The following CHD1L variants were observed in gnomAD, a reference collection of about 807,000 sequenced individuals.
CHD1L encodes ATP-dependent chromatin remodeler CHD1L.
Under a neutral mutation model 115.9 loss-of-function variants are expected in CHD1L, and 118 were observed. That is an observed-to-expected ratio of 1.02 (90% CI 0.88 to 1.19). CHD1L has a LOEUF of 1.19. Ranked by LOEUF, CHD1L falls within the 50% of genes most tolerant of loss-of-function variation. The pLI, the probability that CHD1L is intolerant of heterozygous loss-of-function variation, is 0.00. For synonymous variants in CHD1L, 411 were observed against 387.1 expected (o/e 1.06, Z -0.72); for missense variants, 1,179 against 1,065.3 (o/e 1.11, Z -1.49).
chr1:147,263,499 T>G (rs980355847), intron 6 of CHD1L, among the ~76,000 whole-genome samples: 6 of 152,174 alleles, frequency 3.9e-5, no homozygotes, highest in Non-Finnish European at 8.8e-5. Context: ...ATGTATTGTT[T>G]AATTCTACTA....
the CHD1L span, chr1:147,203,824 G>A: frequency 1.9e-6 from 3 of 1,555,122 alleles, no homozygotes; most frequent in Non-Finnish European, 2.7e-6. Flanking sequence ...TAGAAATGAT[G>A]CCATCTTCCT....
At position 147,255,075 on chromosome 1, in the gene CHD1L, TTAG is replaced by T. The variant is rs1669649753; in HGVS notation, c.347+102_347+104del. The T allele has an allele frequency of 4.8e-6, 4 of 842,008 alleles. No individual in the cohort carries two copies. The South Asian group carries it at 6.4e-5, about 14-fold the overall frequency. 52.2% of individuals were successfully genotyped at this position (842,008 alleles called of 1,614,324 possible). A position where few individuals can be genotyped will look rare whatever the true frequency, so the allele number is the denominator to read the frequency against. ...ATGATAAAACAACCTATTGTCGTAA[TTAG>T]TAAGTTTATTCCAGAAAACTTTGAG... On this transcript the variant is annotated intron_variant, in intron 3 of 22. Transcript: ENST00000369258.
In CHD1L at chr1:147,252,555, C is replaced by G. The variant is rs992340109; in HGVS notation, c.128-68C>G. 4 of 1,233,896 alleles carry G rather than the reference C, an allele frequency of 3.2e-6. No homozygotes were observed. In the African/African-American group the frequency reaches 5.9e-5, roughly 18 times the overall value. 76.4% of individuals were successfully genotyped at this position (1,233,896 alleles called of 1,614,324 possible). A position where few individuals can be genotyped will look rare whatever the true frequency, so the allele number is the denominator to read the frequency against. ...TTAGGCTGTGTTCCTCATTCAAACT[C>G]TTAGAACATTGCCTCTGCATGTACT... On this transcript the variant is annotated intron_variant, in intron 1 of 22. Coordinates refer to ENST00000369258, the MANE Select transcript of CHD1L (RefSeq NM_004284.6).
At chr1:147,190,862 T>A in the CHD1L span, among the ~76,000 whole-genome samples, 2,625 of 151,436 alleles carry the variant, frequency 0.017, 87 homozygotes, top group African/African-American at 0.061. Flanking sequence ...GTCCCTGGAG[T>A]GTGATGTTCC....
the CHD1L span, among the ~76,000 whole-genome samples, chr1:147,233,437 C>A: frequency 1.5e-5 from 2 of 130,172 alleles, no homozygotes; most frequent in Non-Finnish European, 3.2e-5. Context: ...GTCAGCCCCC[C>A]CGCCCGGCCA....
the CHD1L span, among the ~76,000 whole-genome samples, chr1:147,206,479 C>T: frequency 2.6e-5 from 4 of 152,162 alleles, no homozygotes; most frequent in Non-Finnish European, 5.9e-5. Flanking sequence ...TTTATTGCGG[C>T]ACTATTCACA....
chr1:147,280,139 C>G lies in CHD1L; in HGVS notation c.1653C>G (p.Val551=). The G allele has an allele frequency of 6.2e-7, 1 of 1,613,048 alleles. No individual in the cohort carries two copies. Among genetic ancestry groups the G allele is most frequent in the East Asian group, 2.2e-5 (1 of 44,874 alleles). The change falls in exon 15 of 23, where the codon GTC becomes GTG. Residue 551 remains valine, a synonymous_variant. Transcript: ENST00000369258. ...ILGETKDGQW[V]SDALPAAEGG... ...GAGAAACAAAAGATGGCCAGTGGGT[C>G]TCTGATGCCTTGCCTGCAGCAGAAG...
Position 147,294,394 on chromosome 1 carries a change from T to C in CHD1L, c.2507-15T>C, listed in dbSNP as rs1686785295. The C allele has an allele frequency of 1.3e-6, 2 of 1,588,104 alleles. No homozygotes were observed. The highest frequency in any genetic ancestry group is 2.3e-5 in the South Asian group (2 of 88,602). On this transcript the variant is annotated splice_polypyrimidine_tract_variant and intron_variant, in intron 21 of 22. Transcript: ENST00000369258. ...TTTTGATGAGTGAAGACATGTGTTC[T>C]TCTCTTCATAATAGCAAGTGTTCAT...
At chr1:147,291,700 A>C in intron 20 of CHD1L, 148 bp downstream of exon 20, 1 of 655,076 alleles carries the variant, frequency 1.5e-6, no homozygotes, top group Non-Finnish European at 2.7e-6. Context: ...TAGCTTAAAC[A>C]ACAGAAATGT....
chr1:147,208,872 A>G, the CHD1L span: 3 of 1,614,144 alleles, frequency 1.9e-6, no homozygotes, highest in Non-Finnish European at 2.5e-6. Flanking sequence ...GCTTCAGGCC[A>G]AACATTTCAT....
At chr1:147,274,301 G>A (rs1677421820) in intron 12 of CHD1L, among the ~76,000 whole-genome samples, 1 of 152,180 alleles carries the variant, frequency 6.6e-6, no homozygotes, top group Non-Finnish European at 1.5e-5. Context: ...CAAGTAGTAA[G>A]CACAGCGTAA....
chr1:147,179,684 A>G, the CHD1L span: 1 of 921,548 alleles, frequency 1.1e-6, no homozygotes. Context: ...TGGGAAAACC[A>G]CTGGGGAGGA....
upstream of CHD1L, among the ~76,000 whole-genome samples, chr1:147,242,018 T>C (rs879974779): frequency 6.6e-6 from 1 of 152,140 alleles, no homozygotes; most frequent in African/African-American, 2.4e-5. Context: ...ATTTTGTTAT[T>C]ATCATATTTA....
At chr1:147,207,177 G>T in the CHD1L span, among the ~76,000 whole-genome samples, 2 of 152,034 alleles carry the variant, frequency 1.3e-5, no homozygotes, top group African/African-American at 2.4e-5. Context: ...AATATACACT[G>T]AAGTATTTAA....
chr1:147,227,456 TTG>T, the CHD1L span, among the ~76,000 whole-genome samples: 23 of 152,368 alleles, frequency 1.5e-4, no homozygotes, highest in Non-Finnish European at 2.9e-4. Context: ...CCTACTTCAA[TTG>T]TGTCTTATAA....
intron 15 of CHD1L, among the ~76,000 whole-genome samples, chr1:147,282,474 T>C (rs1379976728): frequency 6.6e-6 from 1 of 152,178 alleles, no homozygotes; most frequent in Admixed American, 6.5e-5. Context: ...AATGAGCCCT[T>C]GGCTAGGCAC....
intron 16 of CHD1L, 146 bp from the exon 17 acceptor site, chr1:147,285,178 C>T (rs377137355): frequency 1.1e-6 from 1 of 902,740 alleles, no homozygotes; most frequent in Non-Finnish European, 1.7e-6. Flanking sequence ...AGTGCTTTGC[C>T]TCCAGTTCCC....
chr1:147,189,356 A>G, the CHD1L span, among the ~76,000 whole-genome samples: 372 of 152,170 alleles, frequency 2.4e-3, 5 homozygotes, highest in Admixed American at 0.023. Context: ...GTGAGAATTT[A>G]GAAAATTTAG....
chr1:147,263,727 T>G (rs1216744915), intron 6 of CHD1L, among the ~76,000 whole-genome samples: 3 of 152,264 alleles, frequency 2.0e-5, no homozygotes, highest in Admixed American at 6.5e-5. Flanking sequence ...ACTCTTGGTG[T>G]TCTTCTCTGT....
Sources: gnomAD v4.1 joint callset for allele counts (sites outside exome capture counted in the v4.1 genomes callset) on GRCh38, gnomAD v4.1.1 for gene constraint, MANE v1.5 for transcripts, NCBI Gene and HGNC (gene_info 2026-07-23, HGNC 2026-07-21) for gene names.